LRRC7: variants seen among roughly 807,000 people sequenced by gnomAD.
LRRC7 encodes leucine-rich repeat-containing protein 7.
In LRRC7, 23 loss-of-function variants were observed where a neutral mutation model predicts 175.7. The observed-to-expected ratio is 0.13, with a 90% confidence interval of 0.09 to 0.19. The LOEUF (loss-of-function observed/expected upper bound fraction) is 0.19, where lower values mean the gene tolerates loss of function less well. Ranked by LOEUF, LRRC7 falls within the 10% of genes least tolerant of loss-of-function variation. The pLI is 1.00. For synonymous variants in LRRC7, 685 were observed against 680.9 expected (o/e 1.01, Z -0.09); for missense variants, 1,354 against 1,904.7 (o/e 0.71, Z 5.38).
chr1:69,618,630 A>G (rs1650060641), intron 1 of LRRC7, among the ~76,000 whole-genome samples: 1 of 152,166 alleles, frequency 6.6e-6, no homozygotes, highest in East Asian at 1.9e-4. Context: ...CTTCAGATTT[A>G]TGAACTTCTT....
chr1:70,111,662 A>C (rs1665536443), intron 26 of LRRC7, among the ~76,000 whole-genome samples: 2 of 152,174 alleles, frequency 1.3e-5, no homozygotes, highest in African/African-American at 4.8e-5. Flanking sequence ...AAAATCTAGT[A>C]ATTATAGTTA....
intron 2 of LRRC7, among the ~76,000 whole-genome samples, chr1:69,754,758 T>C (rs1670219288): frequency 6.6e-6 from 1 of 152,006 alleles, no homozygotes; most frequent in Non-Finnish European, 1.5e-5. Context: ...ACATACAACT[T>C]CTGAGAAATG....
At chr1:69,726,224 C>A (rs1245417459) in intron 2 of LRRC7, among the ~76,000 whole-genome samples, 1 of 152,120 alleles carries the variant, frequency 6.6e-6, no homozygotes, top group Non-Finnish European at 1.5e-5. Context: ...AAAGGGAAAA[C>A]CATTGCAGTC....
At chr1:69,591,937 C>A (rs185164014) in intron 1 of LRRC7, among the ~76,000 whole-genome samples, 140 of 152,016 alleles carry the variant, frequency 9.2e-4, no homozygotes, top group African/African-American at 3.3e-3. Context: ...TTCTTTTTGC[C>A]TTGTATACAT....
rs1665342635 is a variant in LRRC7 at position 70,109,064 on chromosome 1, C to T, written c.4620+1238C>T. 1.3e-5 allele frequency among the ~76,000 whole-genome samples: 2 copies of T among 152,034 alleles called. 1 individual carries two copies. Among genetic ancestry groups the T allele is most frequent in the South Asian group, 4.1e-4 (2 of 4,822 alleles). ...GAGACAGCCTTTCACTCTTATTGCC[C>T]AGGCTGGAGTGCAATGGCACGATCT... On this transcript the variant is annotated intron_variant, in intron 26 of 26. Transcript: ENST00000651989.
intron 2 of LRRC7, among the ~76,000 whole-genome samples, chr1:69,702,739 AT>A (rs1052556010): frequency 3.9e-4 from 60 of 152,126 alleles, no homozygotes; most frequent in African/African-American, 2.7e-4. Flanking sequence ...TGGAAAAATG[AT>A]TTTTGATTGA....
At chr1:69,807,873 A>G (rs1677322238) in intron 4 of LRRC7, among the ~76,000 whole-genome samples, 1 of 152,020 alleles carries the variant, frequency 6.6e-6, no homozygotes, top group African/African-American at 2.4e-5. Flanking sequence ...GTTCTCCCGG[A>G]TAATATCCTG....
intron 1 of LRRC7, among the ~76,000 whole-genome samples, chr1:69,620,025 AAAG>A (rs1378230832): frequency 6.6e-6 from 1 of 152,218 alleles, no homozygotes; most frequent in Non-Finnish European, 1.5e-5. Context: ...GTGTCATATC[AAAG>A]AAGAATATCC....
At chr1:70,012,538 A>T (rs1656603295) in intron 12 of LRRC7, among the ~76,000 whole-genome samples, 1 of 151,830 alleles carries the variant, frequency 6.6e-6, no homozygotes, top group Admixed American at 6.6e-5. Flanking sequence ...GAGCCAAAAC[A>T]TATTATTAAA....
intron 10 of LRRC7, among the ~76,000 whole-genome samples, chr1:69,987,097 C>T (rs184982512): frequency 2.0e-5 from 3 of 152,056 alleles, no homozygotes; most frequent in East Asian, 1.9e-4. Flanking sequence ...CAAAAAGTAC[C>T]GGGCATGGTG....
chr1:69,673,095 G>T (rs149883058), intron 1 of LRRC7, among the ~76,000 whole-genome samples: 1 of 152,156 alleles, frequency 6.6e-6, no homozygotes, highest in East Asian at 1.9e-4. Flanking sequence ...ATTTACAGAG[G>T]TTCCCAAATG....
At chr1:69,789,368 C>A (rs1244541528) in intron 3 of LRRC7, among the ~76,000 whole-genome samples, 1 of 1,858 alleles carries the variant, frequency 5.4e-4, no homozygotes, top group Non-Finnish European at 0.013. Context: ...TTGAGTTTAC[C>A]ATGTGACCAC....
At chr1:69,681,278 C>G (rs1237998183) in intron 2 of LRRC7, among the ~76,000 whole-genome samples, 3 of 152,070 alleles carry the variant, frequency 2.0e-5, no homozygotes, top group Non-Finnish European at 2.9e-5. Flanking sequence ...CCTTCGAAAA[C>G]TATCATAGAA....
At chr1:69,957,112 C>T (rs1261688111) in intron 8 of LRRC7, among the ~76,000 whole-genome samples, 1 of 151,610 alleles carries the variant, frequency 6.6e-6, no homozygotes, top group Non-Finnish European at 1.5e-5. Flanking sequence ...ATTTATTAAA[C>T]ATTCATTTAA....
intron 7 of LRRC7, among the ~76,000 whole-genome samples, chr1:69,887,249 G>T (rs1156266441): frequency 2.4e-5 from 3 of 125,450 alleles, no homozygotes; most frequent in East Asian, 2.3e-4. Context: ...TCACTTTCAG[G>T]TACACCAATC....
At chr1:69,928,515 G>A (rs910245088) in intron 7 of LRRC7, among the ~76,000 whole-genome samples, 1 of 152,198 alleles carries the variant, frequency 6.6e-6, no homozygotes, top group African/African-American at 2.4e-5. Context: ...GCAATGGTGG[G>A]CGCCCCTCCC....
intron 1 of LRRC7, among the ~76,000 whole-genome samples, chr1:69,671,618 C>T (rs1283240269): frequency 6.6e-6 from 1 of 152,134 alleles, no homozygotes; most frequent in Non-Finnish European, 1.5e-5. Context: ...TTCAAGTTTA[C>T]TTATGGCCTC....
At chr1:70,065,641 A>G (rs1028040135) in intron 23 of LRRC7, among the ~76,000 whole-genome samples, 3 of 151,968 alleles carry the variant, frequency 2.0e-5, no homozygotes, top group African/African-American at 7.2e-5. Context: ...TGGTTGTATT[A>G]AAAACATATA....
chr1:70,039,555 G>A lies in LRRC7; in HGVS notation c.3731G>A (p.Ser1244Asn). Reference sequence around the variant, plus strand: ...AGGCCATTGTCTGCGAGAAGCTACAGTACAGAGAGTTACGGTGCCTCCCAA... The same window carrying A: ...AGGCCATTGTCTGCGAGAAGCTACAATACAGAGAGTTACGGTGCCTCCCAA... The part of the protein sequence containing the change: ...QRRPLSARSY[S>N]TESYGASQTR... The change falls in exon 21 of 27, where the codon AGT becomes AAT. Residue 1244 changes from serine to asparagine, a missense_variant. Around this residue, in one of 4 missense-constraint regions of LRRC7, gnomAD observed 1,032 missense variants for 1,227.2 expected, o/e 0.84. Transcript: ENST00000651989. The A allele has an allele frequency of 6.2e-7, 1 of 1,614,148 alleles. No homozygotes were observed. Among genetic ancestry groups the A allele is most frequent in the Non-Finnish European group, 8.5e-7 (1 of 1,180,018 alleles).
Sources: gnomAD v4.1 joint callset for allele counts (sites outside exome capture counted in the v4.1 genomes callset) on GRCh38, gnomAD v4.1.1 for gene constraint, gnomAD v4.1.1 regional missense constraint, MANE v1.5 for transcripts, NCBI Gene and HGNC (gene_info 2026-07-23, HGNC 2026-07-21) for gene names.